ZFHX3: variants seen among roughly 807,000 people sequenced by gnomAD.
The protein encoded by ZFHX3 is zinc finger homeobox 3.
ZFHX3 carries 42 observed loss-of-function variants against 279.1 expected under a neutral mutation model. That is an observed-to-expected ratio of 0.15 (90% CI 0.12 to 0.19). ZFHX3 has a LOEUF of 0.19. ZFHX3 is among the 10% of genes least tolerant of loss of function. The pLI is 1.00. For missense variants in ZFHX3, 4,981 were observed against 4,754.0 expected (o/e 1.05, Z -1.40); for synonymous variants, 2,293 against 1,957.8 (o/e 1.17, Z -4.52).
At chr16:73,428,394 C>T (rs892710072) in intron 3 of ZFHX3, among the ~76,000 whole-genome samples, 3 of 152,182 alleles carry the variant, frequency 2.0e-5, no homozygotes, top group Admixed American at 2.0e-4. Context: ...CCATGCAATG[C>T]ACGAGCCAGG....
intron 5 of ZFHX3, among the ~76,000 whole-genome samples, chr16:73,220,778 T>C (rs1006910632): frequency 6.7e-6 from 1 of 148,442 alleles, no homozygotes; most frequent in Non-Finnish European, 1.5e-5. Context: ...GTGTGTGTGT[T>C]TGTGTGTGTG....
chr16:73,600,020 G>A (rs1039171104), intron 2 of ZFHX3, among the ~76,000 whole-genome samples: 3 of 152,184 alleles, frequency 2.0e-5, no homozygotes, highest in Non-Finnish European at 4.4e-5. Context: ...TGGGAGGGCT[G>A]GAGTTGCTGG....
At chr16:72,872,710 C>A (rs1247083635) in intron 4 of ZFHX3, among the ~76,000 whole-genome samples, 1 of 152,180 alleles carries the variant, frequency 6.6e-6, no homozygotes, top group Non-Finnish European at 1.5e-5. Flanking sequence ...CCACCCGCCT[C>A]GGCCTCACAA....
intron 1 of ZFHX3, among the ~76,000 whole-genome samples, chr16:73,771,782 G>A (rs2054020751): frequency 6.7e-6 from 1 of 149,290 alleles, no homozygotes; most frequent in Non-Finnish European, 1.5e-5. Flanking sequence ...TTTTACTAAT[G>A]GCTACAATAT....
At chr16:73,630,232 T>A (rs1409063385) in intron 2 of ZFHX3, among the ~76,000 whole-genome samples, 1 of 151,980 alleles carries the variant, frequency 6.6e-6, no homozygotes, top group Non-Finnish European at 1.5e-5. Context: ...CAAACAAACA[T>A]CTCCAGATTT....
intron 4 of ZFHX3, among the ~76,000 whole-genome samples, chr16:72,864,577 C>T (rs927960682): frequency 6.6e-6 from 1 of 152,170 alleles, no homozygotes; most frequent in African/African-American, 2.4e-5. Flanking sequence ...ACAAGTAAAG[C>T]TTTGAAATCT....
At chr16:73,113,793 CTTTTTTTT>C (rs71391487) in intron 7 of ZFHX3, among the ~76,000 whole-genome samples, 2 of 102,988 alleles carry the variant, frequency 1.9e-5, no homozygotes, top group African/African-American at 7.6e-5. Context: ...TTTTTGGAAA[CTTTTTTTT>C]TTTTTTTTTT....
At chr16:73,776,096 C>A (rs771014700) in intron 1 of ZFHX3, among the ~76,000 whole-genome samples, 1 of 152,130 alleles carries the variant, frequency 6.6e-6, no homozygotes, top group African/African-American at 2.4e-5. Flanking sequence ...AAAAATAGAC[C>A]TTTCGGGACT....
chr16:72,912,005 A>C (rs2039330761), intron 3 of ZFHX3, among the ~76,000 whole-genome samples: 1 of 152,256 alleles, frequency 6.6e-6, no homozygotes, highest in Non-Finnish European at 1.5e-5. Context: ...ATAAAAAATA[A>C]GCATTCCATT....
In ZFHX3 at chr16:72,792,488, G is replaced by T. The variant is rs62051554; in HGVS notation, c.9427+767C>A. On this transcript the variant is annotated intron_variant, in intron 9 of 9. Coordinates refer to ENST00000268489, the MANE Select transcript of ZFHX3 (RefSeq NM_006885.4). ...TTTTTTCTTTTTTTGAGACAGTCTC[G>T]CTGTGTCACCCAGGCTGGAGTGCAG... Among the ~76,000 whole-genome samples, 561 of 151,510 alleles carry T rather than the reference G, an allele frequency of 3.7e-3. 2 individuals are homozygous for T. The highest frequency in any genetic ancestry group is 0.013 in the African/African-American group (533 of 41,290).
chr16:73,137,295 T>C (rs1966811709), intron 6 of ZFHX3: 1 of 152,138 alleles, frequency 6.6e-6, no homozygotes, highest in African/African-American at 2.4e-5. Context: ...TGACCTCTCA[T>C]TGACTGAAAC....
upstream of ZFHX3, among the ~76,000 whole-genome samples, chr16:73,051,001 C>T (rs1965439156): frequency 6.6e-6 from 1 of 152,166 alleles, no homozygotes; most frequent in South Asian, 2.1e-4. Context: ...CTGCTTGTCT[C>T]TCTCTTTCTC....
At chr16:72,837,673 C>A (rs900972664) in intron 4 of ZFHX3, among the ~76,000 whole-genome samples, 4 of 151,796 alleles carry the variant, frequency 2.6e-5, no homozygotes, top group Admixed American at 2.6e-4. Flanking sequence ...ACTATGTTGC[C>A]CAGGCTGGTC....
intron 8 of ZFHX3, among the ~76,000 whole-genome samples, chr16:73,080,690 C>T (rs994745182): frequency 6.6e-6 from 1 of 152,102 alleles, no homozygotes; most frequent in Non-Finnish European, 1.5e-5. Flanking sequence ...CCTTCCACGT[C>T]AGCCTCCCCA....
At chr16:73,533,581 T>C (rs953162943) in intron 2 of ZFHX3, among the ~76,000 whole-genome samples, 1 of 152,084 alleles carries the variant, frequency 6.6e-6, no homozygotes, top group East Asian at 1.9e-4. Context: ...AGCTCAGACG[T>C]CCCTTCCAAA....
intron 5 of ZFHX3, among the ~76,000 whole-genome samples, chr16:72,814,720 G>C (rs1451449472): frequency 6.6e-6 from 1 of 151,232 alleles, no homozygotes; most frequent in South Asian, 2.1e-4. Context: ...ATCACCAATT[G>C]CTCACTCATT....
chr16:72,851,322 C>G (rs1165800238), intron 4 of ZFHX3, among the ~76,000 whole-genome samples: 1 of 152,148 alleles, frequency 6.6e-6, no homozygotes, highest in Non-Finnish European at 1.5e-5. Context: ...ATTGCACATT[C>G]TATGCAAAGG....
intron 8 of ZFHX3, among the ~76,000 whole-genome samples, chr16:73,066,586 G>C (rs1182502006): frequency 6.6e-6 from 1 of 151,546 alleles, no homozygotes; most frequent in Non-Finnish European, 1.5e-5. Flanking sequence ...ACGGCCCCTC[G>C]GATGGGCGGG....
rs148932021 is a variant in ZFHX3 at position 73,847,824 on chromosome 16, G to A, written c.-1608+43827C>T. On this transcript the variant is annotated intron_variant, in intron 1 of 17. Transcript: ENST00000641206. ...ACAATCTTGCCTCAGTGCAACTTCCGCCTCCTGGGTTCAAGTGATTCTCCT... is the reference window on the plus strand; with the variant it reads ...ACAATCTTGCCTCAGTGCAACTTCCACCTCCTGGGTTCAAGTGATTCTCCT... Among the ~76,000 whole-genome samples, 8 of 150,924 alleles carry A rather than the reference G, an allele frequency of 5.3e-5. No individual in the cohort carries two copies. In the East Asian group the frequency reaches 7.8e-4, roughly 15 times the overall value.
Sources: gnomAD v4.1 joint callset for allele counts (sites outside exome capture counted in the v4.1 genomes callset) on GRCh38, gnomAD v4.1.1 for gene constraint, MANE v1.5 for transcripts, NCBI Gene and HGNC (gene_info 2026-07-23, HGNC 2026-07-21) for gene names.